UTRN: variants seen among roughly 807,000 people sequenced by gnomAD.
UTRN encodes utrophin.
Under a neutral mutation model 463.9 loss-of-function variants are expected in UTRN, and 283 were observed. The observed-to-expected ratio is 0.61, with a 90% CI of 0.55 to 0.67. The LOEUF is 0.67. Ranked by LOEUF, UTRN falls within the 30% of genes least tolerant of loss-of-function variation. The pLI is 0.00. For missense variants in UTRN, 3,922 were observed against 4,084.3 expected, an observed-to-expected ratio of 0.96 and a Z score of 1.08; for synonymous variants, 1,442 against 1,431.5, an observed-to-expected ratio of 1.01 and a Z score of -0.17.
rs568423061 is a variant in UTRN, at chr6:144,524,426, G to A, written c.5906+1238G>A. Among the ~76,000 whole-genome samples the A allele has an allele frequency of 4.7e-3, 717 of 151,568 alleles. 6 individuals carry two copies. Among genetic ancestry groups the A allele is most frequent in the Middle Eastern group, 0.01 (3 of 294 alleles). ...TTTTGAGCCCTTACTAACATTGACA[G>A]GTTTTTTTTTTATTATTTAAAAAAA... is the stretch of plus-strand genomic sequence containing the variant. On this transcript the variant is annotated intron_variant, in intron 41 of 74. Transcript: ENST00000367545.
intron 2 of UTRN, among the ~76,000 whole-genome samples, chr6:144,325,027 G>T (rs1042207972): frequency 6.6e-6 from 1 of 152,144 alleles, no homozygotes; most frequent in East Asian, 1.9e-4. Context: ...GGAGAACAGA[G>T]ATTTATATAT....
At chr6:144,555,536 G>A (rs1464508504) in intron 49 of UTRN, among the ~76,000 whole-genome samples, 2 of 152,178 alleles carry the variant, frequency 1.3e-5, no homozygotes, top group East Asian at 3.9e-4. Flanking sequence ...GGGTTCCAGC[G>A]ATTCTTGCCT....
chr6:144,620,266 A>G (rs1775213194), intron 51 of UTRN, among the ~76,000 whole-genome samples: 1 of 152,162 alleles, frequency 6.6e-6, no homozygotes, highest in African/African-American at 2.4e-5. Flanking sequence ...CTCCATTTGC[A>G]TTTTATTGGC....
At chr6:144,633,523 C>T (rs369926962) in intron 51 of UTRN, among the ~76,000 whole-genome samples, 11 of 152,330 alleles carry the variant, frequency 7.2e-5, no homozygotes, top group Admixed American at 4.6e-4. Flanking sequence ...TGAGCCACCG[C>T]GCCCGGCCTG....
chr6:144,380,886 A>G (rs1039530270), intron 2 of UTRN, among the ~76,000 whole-genome samples: 1 of 152,068 alleles, frequency 6.6e-6, no homozygotes, highest in Non-Finnish European at 1.5e-5. Context: ...TACAAAGAAG[A>G]TCTCTGATCT....
chr6:144,846,992 G>A (rs959111874), intron 74 of UTRN, among the ~76,000 whole-genome samples, 165 bp downstream of exon 74: 1 of 152,204 alleles, frequency 6.6e-6, no homozygotes, highest in Non-Finnish European at 1.5e-5. Flanking sequence ...CAGTCTGGGA[G>A]TGGGGGGTGG....
At chr6:144,847,396 TG>T (rs1782113724) in intron 74 of UTRN, among the ~76,000 whole-genome samples, 1 of 139,176 alleles carries the variant, frequency 7.2e-6, no homozygotes, top group Non-Finnish European at 1.6e-5. Flanking sequence ...TGTTTTGTTT[TG>T]TTTTTTTGTT....
At chr6:144,345,662 T>C (rs1464932320) in intron 2 of UTRN, among the ~76,000 whole-genome samples, 1 of 152,128 alleles carries the variant, frequency 6.6e-6, no homozygotes, top group Non-Finnish European at 1.5e-5. Context: ...AACAGAGGGA[T>C]ACCTTGTCTC....
chr6:144,730,549 C>G (rs1199497619), intron 54 of UTRN, 63 bp downstream of exon 54: 10 of 1,452,274 alleles, frequency 6.9e-6, no homozygotes, highest in Non-Finnish European at 9.1e-6. Flanking sequence ...AACCCAAAAT[C>G]AAGTAGGAAA....
At chr6:144,704,283 ATC>A in intron 53 of UTRN, among the ~76,000 whole-genome samples, 1 of 152,264 alleles carries the variant, frequency 6.6e-6, no homozygotes, top group Admixed American at 6.5e-5. Flanking sequence ...TTTTCACCCT[ATC>A]TTTTTCTTTA....
At chr6:144,534,797 G>T (rs1034976225) in intron 43 of UTRN, among the ~76,000 whole-genome samples, 1 of 152,132 alleles carries the variant, frequency 6.6e-6, no homozygotes, top group East Asian at 1.9e-4. Flanking sequence ...GATGCGCTGT[G>T]GAATTTAAGT....
At chr6:144,684,711 A>T (rs1248148982) in intron 52 of UTRN, among the ~76,000 whole-genome samples, 1 of 152,190 alleles carries the variant, frequency 6.6e-6, no homozygotes, top group Non-Finnish European at 1.5e-5. Flanking sequence ...TTTCAACCTC[A>T]TCAGTAAGAT....
chr6:144,820,775 A>G (rs1008704611), intron 65 of UTRN, 107 bp from the exon 66 acceptor site: 22 of 1,400,902 alleles, frequency 1.6e-5, no homozygotes, highest in Non-Finnish European at 2.1e-5. Flanking sequence ...AAACTACCAA[A>G]ACTGTTGACA....
chr6:144,451,569 A>G, intron 18 of UTRN, 76 bp downstream of exon 18: 1 of 1,472,796 alleles, frequency 6.8e-7, no homozygotes, highest in South Asian at 1.5e-5. Flanking sequence ...GCATAAAGAC[A>G]TTATGGAATT....
chr6:144,680,539 C>G (rs1782101810), intron 52 of UTRN, among the ~76,000 whole-genome samples: 1 of 152,068 alleles, frequency 6.6e-6, no homozygotes, highest in Non-Finnish European at 1.5e-5. Context: ...TTAGTCACCT[C>G]AAGAGATTCA....
chr6:144,636,982 T>C (rs1323451277), intron 51 of UTRN, among the ~76,000 whole-genome samples: 3 of 152,160 alleles, frequency 2.0e-5, no homozygotes, highest in Admixed American at 2.0e-4. Flanking sequence ...TGTTTGTTTG[T>C]TTTTTGAGAC....
intron 53 of UTRN, among the ~76,000 whole-genome samples, chr6:144,703,678 A>C (rs1394073415): frequency 6.6e-6 from 1 of 152,226 alleles, no homozygotes; most frequent in Admixed American, 6.5e-5. Context: ...AGGTTAAATA[A>C]GATGAGGACA....
chr6:144,630,401 C>T (rs974337910), intron 51 of UTRN, among the ~76,000 whole-genome samples: 1 of 152,132 alleles, frequency 6.6e-6, no homozygotes, highest in African/African-American at 2.4e-5. Flanking sequence ...CTCACAGTTC[C>T]ACATGGCTGG....
chr6:144,488,896 A>G (rs2128578012), intron 30 of UTRN, 62 bp downstream of exon 30: 1 of 1,428,344 alleles, frequency 7.0e-7, no homozygotes, highest in Non-Finnish European at 9.3e-7. Context: ...TGCCTCCTCA[A>G]CTATAAGAGA....
Sources: gnomAD v4.1 joint callset for allele counts (sites outside exome capture counted in the v4.1 genomes callset) on GRCh38, gnomAD v4.1.1 for gene constraint, MANE v1.5 for transcripts, NCBI Gene and HGNC (gene_info 2026-07-23, HGNC 2026-07-21) for gene names.